The following TMEM117 variants were observed in gnomAD, a reference collection of about 807,000 sequenced individuals.
The protein encoded by TMEM117 is transmembrane protein 117.
TMEM117 carries 27 observed loss-of-function variants against 52.4 expected under a neutral mutation model. The observed-to-expected ratio is 0.51, with a 90% CI of 0.38 to 0.71. TMEM117 has a LOEUF of 0.71. TMEM117 is among the 30% of genes least tolerant of loss of function. The pLI, the probability that TMEM117 is intolerant of heterozygous loss-of-function variation, is 0.00. For missense variants in TMEM117, 556 were observed against 630.5 expected (o/e 0.88, Z 1.26); for synonymous variants, 215 against 206.3 (o/e 1.04, Z -0.36).
intron 3 of TMEM117, among the ~76,000 whole-genome samples, chr12:44,008,067 C>A (rs1010200992): frequency 2.0e-5 from 3 of 152,180 alleles, no homozygotes; most frequent in Non-Finnish European, 2.9e-5. Flanking sequence ...AAGCCTCCAT[C>A]CAGTCTACAT....
At chr12:44,310,696 A>G (rs1226814294) in intron 6 of TMEM117, among the ~76,000 whole-genome samples, 7 of 152,224 alleles carry the variant, frequency 4.6e-5, no homozygotes, top group Admixed American at 4.6e-4. Flanking sequence ...TCTCTGGATC[A>G]GAAGAGCTCC....
intron 3 of TMEM117, among the ~76,000 whole-genome samples, chr12:44,131,342 C>CA (rs1948410476): frequency 6.6e-6 from 1 of 152,018 alleles, no homozygotes; most frequent in African/African-American, 2.4e-5. Context: ...ATATTATGGA[C>CA]AAAGAATATC....
In TMEM117 at chr12:44,389,307, A is replaced by T. The variant is rs535952374; in HGVS notation, c.*635A>T. On this transcript the variant is annotated 3_prime_UTR_variant, in exon 8 of 8. Transcript: ENST00000266534. The stretch of plus-strand genomic sequence containing the variant: ...CATGGGTCACTACTCGTGAAATGTG[A>T]CTTTCTCCCACCAGTAATTGAAATG... The T allele has an allele frequency of 1.2e-4, 18 of 152,744 alleles. No individual in the cohort carries two copies. The highest frequency in any genetic ancestry group is 3.8e-4 in the African/African-American group (16 of 41,580). 9.5% of individuals were successfully genotyped at this position (152,744 alleles called of 1,614,324 possible). A position where few individuals can be genotyped will look rare whatever the true frequency, so the allele number is the denominator to read the frequency against.
intron 3 of TMEM117, chr12:44,009,847 T>C (rs767218876): frequency 3.7e-6 from 1 of 268,630 alleles, no homozygotes; most frequent in African/African-American, 2.3e-5. Context: ...TTGTGCAAAA[T>C]GGTCAGGAAC....
chr12:44,131,688 T>C (rs183414433), intron 3 of TMEM117, among the ~76,000 whole-genome samples: 1 of 152,282 alleles, frequency 6.6e-6, no homozygotes, highest in East Asian at 1.9e-4. Flanking sequence ...AAGTTGACCC[T>C]GTTATCATTA....
chr12:43,935,009 T>A (rs914040159), intron 2 of TMEM117, among the ~76,000 whole-genome samples: 8 of 152,118 alleles, frequency 5.3e-5, no homozygotes, highest in African/African-American at 1.9e-4. Flanking sequence ...CGTTTTTTAT[T>A]TTTTATTTTT....
intron 2 of TMEM117, among the ~76,000 whole-genome samples, chr12:43,892,720 G>T (rs1199719764): frequency 6.6e-6 from 1 of 152,058 alleles, no homozygotes; most frequent in African/African-American, 2.4e-5. Flanking sequence ...TTAGATACTG[G>T]GGCTACAGTG....
intron 3 of TMEM117, among the ~76,000 whole-genome samples, chr12:44,080,968 T>G (rs1238454831): frequency 1.3e-5 from 2 of 151,720 alleles, no homozygotes; most frequent in Non-Finnish European, 2.9e-5. Flanking sequence ...TATCTTCTGA[T>G]TTTGATACAA....
At chr12:44,371,548 G>A (rs1951864061) in intron 6 of TMEM117, among the ~76,000 whole-genome samples, 1 of 151,988 alleles carries the variant, frequency 6.6e-6, no homozygotes, top group African/African-American at 2.4e-5. Flanking sequence ...CTTTAGTTTC[G>A]CAGGGTAGGG....
chr12:43,885,461 A>G (rs1372261226), intron 2 of TMEM117, among the ~76,000 whole-genome samples: 1 of 77,828 alleles, frequency 1.3e-5, no homozygotes, highest in Non-Finnish European at 3.5e-5. Flanking sequence ...TTTCATGAGA[A>G]AGAACTTTTT....
At chr12:44,324,095 G>A (rs79097211) in intron 6 of TMEM117, among the ~76,000 whole-genome samples, 7,293 of 152,006 alleles carry the variant, frequency 0.048, 358 homozygotes, top group African/African-American at 0.12. Flanking sequence ...ATCTCAAATT[G>A]TTATCTTGAG....
chr12:44,165,043 TAACC>T, intron 4 of TMEM117, among the ~76,000 whole-genome samples: 1 of 152,246 alleles, frequency 6.6e-6, no homozygotes, highest in South Asian at 2.1e-4. Flanking sequence ...TTGTACCCAT[TAACC>T]AACCTCTCTC....
rs1192220484 is a variant in TMEM117, at chr12:44,202,026, CTT to C, written c.511-9261_511-9260del. Among the ~76,000 whole-genome samples, 15 of 151,416 alleles carry C rather than the reference CTT, an allele frequency of 9.9e-5. No homozygotes were observed. The East Asian group carries it at 2.9e-3, about 29-fold the overall frequency. ...TCATCTTTATATATCAAGATGATAT[CTT>C]TTATATATCAAAGATGATAAATAAA... On this transcript the variant is annotated intron_variant, in intron 4 of 7. Transcript: ENST00000266534.
At chr12:44,176,498 A>T (rs1355842316) in intron 4 of TMEM117, among the ~76,000 whole-genome samples, 1 of 152,192 alleles carries the variant, frequency 6.6e-6, no homozygotes, top group East Asian at 1.9e-4. Flanking sequence ...TGATTTGTTT[A>T]TCCATGGATC....
the TMEM117 span, among the ~76,000 whole-genome samples, chr12:43,799,729 A>G: frequency 0.019 from 2,850 of 152,196 alleles, 55 homozygotes; most frequent in South Asian, 0.072. Context: ...TAATTACTAA[A>G]TATTTTGTAT....
At chr12:43,889,534 G>A (rs548664386) in intron 2 of TMEM117, among the ~76,000 whole-genome samples, 1 of 152,228 alleles carries the variant, frequency 6.6e-6, no homozygotes, top group Non-Finnish European at 1.5e-5. Flanking sequence ...CATCTGCTGC[G>A]CAGTCCAGTT....
Position 44,199,642 on chromosome 12 carries a change from T to C in TMEM117, c.511-11648T>C, listed in dbSNP as rs1949466833. Reference sequence around the variant, plus strand: ...AAAAGAATGTTGGCCATGATGACAGTTATACCAGGATCTTTATTGAAGTAT... The same window carrying C: ...AAAAGAATGTTGGCCATGATGACAGCTATACCAGGATCTTTATTGAAGTAT... On this transcript the variant is annotated intron_variant, in intron 4 of 7. Transcript: ENST00000266534. 2.6e-5 allele frequency among the ~76,000 whole-genome samples: 4 copies of C among 152,302 alleles called. No homozygotes were observed. The East Asian group carries it at 7.7e-4, about 29-fold the overall frequency.
chr12:43,981,948 AG>A (rs1945767953), intron 3 of TMEM117, among the ~76,000 whole-genome samples: 1 of 152,064 alleles, frequency 6.6e-6, no homozygotes, highest in Non-Finnish European at 1.5e-5. Flanking sequence ...ATTGCACAGT[AG>A]GGTCATGATG....
intron 3 of TMEM117, among the ~76,000 whole-genome samples, chr12:44,093,601 G>A (rs904554340): frequency 6.6e-6 from 1 of 151,986 alleles, no homozygotes; most frequent in East Asian, 1.9e-4. Flanking sequence ...CCAACCATGG[G>A]AAGTTTCTTT....
Sources: gnomAD v4.1 joint callset for allele counts (sites outside exome capture counted in the v4.1 genomes callset) on GRCh38, gnomAD v4.1.1 for gene constraint, MANE v1.5 for transcripts, NCBI Gene and HGNC (gene_info 2026-07-23, HGNC 2026-07-21) for gene names.